GC: variants seen among roughly 807,000 people sequenced by gnomAD.
The protein encoded by GC is GC vitamin D binding protein, also known as vitamin D-binding protein.
In GC, 43 loss-of-function variants were observed where a neutral mutation model predicts 56.7. That is an observed-to-expected ratio of 0.76 (90% CI 0.59 to 0.98). The LOEUF is 0.98. Among genes scored for constraint, GC ranks in the 50% least tolerant of loss-of-function variants. The pLI is 0.00. For synonymous variants in GC, 216 were observed against 202.7 expected (o/e 1.07, Z -0.56); for missense variants, 529 against 545.9 (o/e 0.97, Z 0.31).
chr4:71,790,623 A>G (rs950851479), intron 1 of GC, among the ~76,000 whole-genome samples: 1 of 150,290 alleles, frequency 6.7e-6, no homozygotes, highest in African/African-American at 2.4e-5. Context: ...TTATTGTTTT[A>G]TTTTAATATT....
Position 71,754,630 on chromosome 4 carries a change from G to C in GC, c.1165-122C>G, listed in dbSNP as rs1444424002. ...CATTGGCAACTATTTTCTACAGAAG[G>C]CCGGATAATAATTTTAGGGTTTGCA... On this transcript the variant is annotated intron_variant, in intron 9 of 12. Transcript: ENST00000273951. 8 of 681,678 alleles carry C rather than the reference G, an allele frequency of 1.2e-5. No individual in the cohort carries two copies. In the African/African-American group the frequency reaches 1.3e-4, roughly 11 times the overall value. 42.2% of individuals were successfully genotyped at this position (681,678 alleles called of 1,614,324 possible). A position where few individuals can be genotyped will look rare whatever the true frequency, so the allele number is the denominator to read the frequency against.
At chr4:71,790,244 C>A (rs1191086611) in intron 1 of GC, among the ~76,000 whole-genome samples, 1 of 151,914 alleles carries the variant, frequency 6.6e-6, no homozygotes, top group Non-Finnish European at 1.5e-5. Flanking sequence ...TTTGCCATTA[C>A]TTACAATGGT....
chr4:71,758,513 T>C (rs1741859549), intron 6 of GC, among the ~76,000 whole-genome samples: 1 of 152,230 alleles, frequency 6.6e-6, no homozygotes, highest in Non-Finnish European at 1.5e-5. Flanking sequence ...GTTGTATTTT[T>C]GTGGCCTCTC....
At chr4:71,741,960 A>G in intron 12 of GC, 90 bp from the exon 13 acceptor site, 1 of 698,264 alleles carries the variant, frequency 1.4e-6, no homozygotes, top group Admixed American at 2.0e-5. Flanking sequence ...ATATAAACTC[A>G]TGCTATTTTA....
Position 71,763,838 on chromosome 4 carries a change from G to A in GC, c.572C>T (p.Thr191Ile). 1 of 1,612,792 alleles carries A rather than the reference G, an allele frequency of 6.2e-7. No individual in the cohort carries two copies. The highest frequency in any genetic ancestry group is 2.2e-5 in the East Asian group (1 of 44,866). The change falls in exon 5 of 13, where the codon ACC becomes ATC. Residue 191 changes from threonine (T) to isoleucine (I), a missense_variant. Thr to Ile is a moderately conservative substitution (Grantham distance 89). Coordinates refer to ENST00000273951, the MANE Select transcript of GC (RefSeq NM_000583.4). The stretch of plus-strand genomic sequence containing the variant: ...AAAGCATACAGTTGGGCTTGCAGAG[G>A]TACAGCAGGACCCTACCATAGAAAG... The part of the protein sequence containing the change: ...SYLSMVGSCC[T>I]SASPTVCFLK...
chr4:71,784,261 A>C, upstream of GC: 1 of 1,200,774 alleles, frequency 8.3e-7, no homozygotes, highest in South Asian at 3.2e-5. Flanking sequence ...ACTGTAGTGG[A>C]AAATCTAGGA....
At chr4:71,776,707 T>C (rs1041461891) in intron 1 of GC, among the ~76,000 whole-genome samples, 1 of 151,948 alleles carries the variant, frequency 6.6e-6, no homozygotes, top group Non-Finnish European at 1.5e-5. Flanking sequence ...GATTTTATCA[T>C]TCCCCATTAT....
intron 1 of GC, among the ~76,000 whole-genome samples, chr4:71,789,818 A>T (rs944791775): frequency 6.6e-6 from 1 of 151,966 alleles, no homozygotes; most frequent in African/African-American, 2.4e-5. Context: ...AGAATGAGGC[A>T]GAACATCAGA....
At chr4:71,760,622 G>T (rs1247453777) in intron 6 of GC, among the ~76,000 whole-genome samples, 1 of 152,144 alleles carries the variant, frequency 6.6e-6, no homozygotes, top group Non-Finnish European at 1.5e-5. Flanking sequence ...ATATGGTTTG[G>T]CTATGTCCCC....
At chr4:71,777,411 T>G (rs1742541717) in intron 1 of GC, among the ~76,000 whole-genome samples, 1 of 151,596 alleles carries the variant, frequency 6.6e-6, no homozygotes, top group South Asian at 2.1e-4. Context: ...TAATGAGCTT[T>G]GCAGTATCAT....
At chr4:71,772,393 C>T (rs114795365) in intron 1 of GC, among the ~76,000 whole-genome samples, 2,504 of 152,196 alleles carry the variant, frequency 0.016, 15 homozygotes, top group Non-Finnish European at 0.026. Context: ...AAATGGGGTA[C>T]CCCCGATGAA....
At chr4:71,748,117 G>C (rs908226618) in intron 11 of GC, among the ~76,000 whole-genome samples, 5 of 152,108 alleles carry the variant, frequency 3.3e-5, no homozygotes, top group Non-Finnish European at 2.9e-5. Flanking sequence ...CAACCCATCT[G>C]TAAAAGGGGG....
At chr4:71,801,367 A>G (rs1308953850) in intron 1 of GC, among the ~76,000 whole-genome samples, 1 of 152,180 alleles carries the variant, frequency 6.6e-6, no homozygotes, top group African/African-American at 2.4e-5. Flanking sequence ...TCCCATGCAG[A>G]CTTCTCCTCT....
chr4:71,751,415 A>C (rs776793725), intron 11 of GC, among the ~76,000 whole-genome samples: 1 of 152,218 alleles, frequency 6.6e-6, no homozygotes, highest in Non-Finnish European at 1.5e-5. Flanking sequence ...GGTTTATAGG[A>C]GAAAACCAAT....
intron 1 of GC, 47 bp from the exon 2 acceptor site, chr4:71,769,447 A>C: frequency 8.2e-7 from 1 of 1,225,362 alleles, no homozygotes; most frequent in Non-Finnish European, 1.2e-6. Context: ...CTTTTGATGA[A>C]TATTATGTTA....
chr4:71,747,694 G>A (rs1298307949), intron 11 of GC, among the ~76,000 whole-genome samples: 1 of 152,090 alleles, frequency 6.6e-6, no homozygotes, highest in Non-Finnish European at 1.5e-5. Context: ...TGGAGTATAT[G>A]GTATTCTTGC....
At chr4:71,784,272 G>T, upstream of GC, 1 of 1,172,768 alleles carries the variant, frequency 8.5e-7, no homozygotes, top group Non-Finnish European at 1.1e-6. Context: ...AAATCTAGGA[G>T]ATTTTAATCA....
chr4:71,768,316 G>C lies in GC; in HGVS notation c.246C>G (p.Asp82Glu). 6.2e-7 allele frequency: 1 copy of C among 1,608,624 alleles called. No individual in the cohort carries two copies. The highest frequency in any genetic ancestry group is 8.5e-7 in the Non-Finnish European group (1 of 1,177,130). The change falls in exon 3 of 13, where the codon GAC becomes GAG. Residue 82 changes from aspartate (D) to glutamate (E), a missense_variant. Asp to Glu is a conservative substitution (Grantham distance 45, BLOSUM62 2). Transcript: ENST00000273951. ...AGAAACCTACCCTGGTGTCATAGCAGTCAGGGTCAGCCCCTTCCGCACAGC... is the reference window on the plus strand; with the variant it reads ...AGAAACCTACCCTGGTGTCATAGCACTCAGGGTCAGCCCCTTCCGCACAGC... Reference protein sequence around the residue: ...EACCAEGADPDCYDTRTSALS... With the variant: ...EACCAEGADPECYDTRTSALS...
chr4:71,768,714 T>C (rs1466785087), intron 2 of GC, among the ~76,000 whole-genome samples: 1 of 152,198 alleles, frequency 6.6e-6, no homozygotes, highest in African/African-American at 2.4e-5. Context: ...TCCACCCTCC[T>C]TGTCCTCCCA....
Sources: allele counts gnomAD v4.1 joint callset (sites outside exome capture counted in the v4.1 genomes callset), GRCh38; gene constraint gnomAD v4.1.1; transcripts MANE v1.5; gene names NCBI Gene and HGNC (gene_info 2026-07-23, HGNC 2026-07-21).